Variants in CFTR observed in about 807,000 individuals in gnomAD.
CFTR encodes the protein cystic fibrosis transmembrane conductance regulator.
In CFTR, 181 loss-of-function variants were observed where a neutral mutation model predicts 171.6. The ratio of observed to expected loss-of-function variants is 1.05; its 90% CI spans 0.93 to 1.19. CFTR has a LOEUF of 1.19. Among genes scored for constraint, CFTR ranks in the 50% most tolerant of loss-of-function variants. The probability of loss-of-function intolerance (pLI) is 0.00; values close to 1 mark genes in which losing one functional copy is unlikely to be tolerated. For synonymous variants in CFTR, 583 were observed against 608.0 expected (o/e 0.96, Z 0.60); for missense variants, 1,968 against 1,734.7 (o/e 1.13, Z -2.39).
intron 1 of CFTR, among the ~76,000 whole-genome samples, chr7:117,480,945 T>C (rs1354639103): frequency 1.3e-5 from 2 of 152,216 alleles, no homozygotes; most frequent in Non-Finnish European, 2.9e-5. Context: ...TCTTTGGATA[T>C]TGCATCTACT....
intron 22 of CFTR, among the ~76,000 whole-genome samples, chr7:117,638,177 A>G (rs1792855322): frequency 6.6e-6 from 1 of 152,048 alleles, no homozygotes; most frequent in Non-Finnish European, 1.5e-5. Context: ...CCTGTCTCCC[A>G]TTTTGGGGGG....
At chr7:117,617,589 TA>T (rs112344805) in intron 21 of CFTR, among the ~76,000 whole-genome samples, 29 of 147,424 alleles carry the variant, frequency 2.0e-4, no homozygotes, top group East Asian at 7.9e-4. Flanking sequence ...TTTAAAAATC[TA>T]AAAAAAAAAA....
At chr7:117,614,534 C>T in intron 20 of CFTR, 79 bp from the exon 21 acceptor site, 2 of 882,892 alleles carry the variant, frequency 2.3e-6, no homozygotes, top group Non-Finnish European at 1.9e-6. Context: ...GATATGTGCC[C>T]TAGGAGAAGT....
At chr7:117,545,554 T>G (rs914169195) in intron 9 of CFTR, among the ~76,000 whole-genome samples, 36 of 152,204 alleles carry the variant, frequency 2.4e-4, no homozygotes, top group African/African-American at 8.4e-4. Context: ...CGCACTCATT[T>G]TAGTGTATTC....
intron 15 of CFTR, among the ~76,000 whole-genome samples, chr7:117,600,288 C>A (rs1341595110): frequency 6.6e-6 from 1 of 151,898 alleles, no homozygotes; most frequent in East Asian, 1.9e-4. Flanking sequence ...CAAAAAAAAT[C>A]TATTATGTTA....
chr7:117,558,672 T>A (rs995984767), intron 10 of CFTR, among the ~76,000 whole-genome samples: 2 of 152,278 alleles, frequency 1.3e-5, no homozygotes, highest in East Asian at 3.9e-4. Context: ...AGATTTATCT[T>A]TGTATTGTTA....
chr7:117,485,373 G>A (rs533749311), intron 1 of CFTR, among the ~76,000 whole-genome samples: 2 of 152,290 alleles, frequency 1.3e-5, no homozygotes, highest in East Asian at 3.9e-4. Context: ...ATGCAATGAG[G>A]TCAAAAGGGG....
chr7:117,614,550 T>C, intron 20 of CFTR, 63 bp from the exon 21 acceptor site: 1 of 1,018,646 alleles, frequency 9.8e-7, no homozygotes, highest in Non-Finnish European at 1.6e-6. Context: ...GAAGTGTGAA[T>C]AAAGTCGTTC....
chr7:117,588,993 TA>T (rs1444774685), intron 12 of CFTR, among the ~76,000 whole-genome samples: 1 of 152,090 alleles, frequency 6.6e-6, no homozygotes, highest in African/African-American at 2.4e-5. Flanking sequence ...TCCACAAATT[TA>T]GATAAGATAG....
intron 14 of CFTR, 41 bp from the exon 15 acceptor site, chr7:117,594,889 C>G (rs1315355471): frequency 6.3e-7 from 1 of 1,598,372 alleles, no homozygotes; most frequent in Non-Finnish European, 8.6e-7. Flanking sequence ...TGGCATGAAA[C>G]TGTACTGTCT....
At chr7:117,518,420 A>G (rs1247367109) in intron 3 of CFTR, among the ~76,000 whole-genome samples, 2 of 147,314 alleles carry the variant, frequency 1.4e-5, no homozygotes, top group Non-Finnish European at 3.0e-5. Context: ...TGATTATAAT[A>G]TATAATAGGC....
rs748359104 is a variant in CFTR, at chr7:117,614,610, TAGG to T, written c.3368_3370del (p.Gly1123del). 2 of 1,594,968 alleles carry T rather than the reference TAGG, an allele frequency of 1.3e-6. No homozygotes were observed. The highest frequency in any genetic ancestry group is 1.7e-6 in the Non-Finnish European group (2 of 1,162,880). ...TTCATTTACGTCTTTTGTGCATCTA[TAGG>T]AGAAGGAGAAGGAAGAGTTGGTATT... On this transcript the variant is annotated splice_acceptor_variant and coding_sequence_variant, in exon 21 of 27. Transcript: ENST00000003084. LOFTEE classifies it high-confidence loss of function.
intron 22 of CFTR, among the ~76,000 whole-genome samples, chr7:117,635,325 G>A (rs985604839): frequency 2.0e-5 from 3 of 151,988 alleles, no homozygotes; most frequent in African/African-American, 7.2e-5. Context: ...TAGTTTATAT[G>A]TGGTTTTAAA....
chr7:117,594,288 T>C (rs1792085277), intron 14 of CFTR, among the ~76,000 whole-genome samples: 1 of 152,224 alleles, frequency 6.6e-6, no homozygotes, highest in African/African-American at 2.4e-5. Context: ...TGAGTTTTGT[T>C]GATTTTGTGA....
intron 15 of CFTR, among the ~76,000 whole-genome samples, chr7:117,598,155 A>G (rs976589646): frequency 6.6e-6 from 1 of 152,180 alleles, no homozygotes; most frequent in Non-Finnish European, 1.5e-5. Flanking sequence ...ATTATTTCCT[A>G]TTTTAAAATA....
intron 26 of CFTR, 117 bp downstream of exon 26, chr7:117,665,681 A>G (rs1793364025): frequency 2.7e-6 from 2 of 737,152 alleles, no homozygotes; most frequent in South Asian, 3.0e-5. Flanking sequence ...AAAAATATGT[A>G]TCATACAGCC....
intron 1 of CFTR, among the ~76,000 whole-genome samples, chr7:117,497,346 A>C (rs12673260): frequency 0.25 from 38,136 of 152,062 alleles, 5,042 homozygotes; most frequent in East Asian, 0.42. Flanking sequence ...TCCCAATAAT[A>C]AATTCTGGTG....
chr7:117,649,904 G>C (rs1348528824), intron 23 of CFTR, among the ~76,000 whole-genome samples: 2 of 152,058 alleles, frequency 1.3e-5, no homozygotes, highest in East Asian at 3.9e-4. Flanking sequence ...TATTTAATTT[G>C]AAACCTAAAG....
intron 3 of CFTR, among the ~76,000 whole-genome samples, chr7:117,513,277 G>C (rs1195961829): frequency 1.3e-5 from 2 of 152,024 alleles, no homozygotes; most frequent in East Asian, 3.9e-4. Flanking sequence ...GGTTTCAGTG[G>C]CAAGACAGGT....
Sources: gnomAD v4.1 joint callset for allele counts (sites outside exome capture counted in the v4.1 genomes callset) on GRCh38, gnomAD v4.1.1 for gene constraint, MANE v1.5 for transcripts, NCBI Gene and HGNC (gene_info 2026-07-23, HGNC 2026-07-21) for gene names.